The following HLA-DPA1 variants were observed in gnomAD, a reference collection of about 807,000 sequenced individuals.
HLA-DPA1 encodes major histocompatibility complex, class II, DP alpha 1.
HLA-DPA1 carries 20 observed loss-of-function variants against 21.5 expected under a neutral mutation model. The ratio of observed to expected loss-of-function variants is 0.93; its 90% CI spans 0.66 to 1.35. The LOEUF (loss-of-function observed/expected upper bound fraction) is 1.35. Among genes scored for constraint, HLA-DPA1 ranks in the 40% most tolerant of loss-of-function variants. The probability of loss-of-function intolerance (pLI) is 0.00; values close to 1 mark genes in which losing one functional copy is unlikely to be tolerated. For synonymous variants in HLA-DPA1, 123 were observed against 129.6 expected (o/e 0.95, Z 0.35); for missense variants, 279 against 323.0 (o/e 0.86, Z 1.05).
At chr6:33,068,362 G>T in intron 5 of HLA-DPA1, 1 of 339,106 alleles carries the variant, frequency 2.9e-6, no homozygotes. Flanking sequence ...TAAAGTCTCT[G>T]TGTATGTAAA....
intron 1 of HLA-DPA1, among the ~76,000 whole-genome samples, chr6:33,078,949 T>C (rs2021408): frequency 0.15 from 23,051 of 152,090 alleles, 1,841 homozygotes; most frequent in South Asian, 0.22. Context: ...GCTGGGGGGC[T>C]CTGGGCCTGG....
chr6:33,069,198 A>G, exon 4 of HLA-DPA1: 1 of 1,612,954 alleles, frequency 6.2e-7, no homozygotes. Flanking sequence ...CAGCCACGTG[A>G]CGTTGAGCAC....
chr6:33,074,482 A>T (rs994284936), intron 1 of HLA-DPA1, among the ~76,000 whole-genome samples: 6 of 152,318 alleles, frequency 3.9e-5, no homozygotes, highest in Middle Eastern at 6.8e-3. Context: ...ATATTTAAGA[A>T]ATACTTTTCT....
In HLA-DPA1 at chr6:33,069,315, C is replaced by A. The variant is rs1167662126; in HGVS notation, c.347-15G>T. 1 of 1,608,540 alleles carries A rather than the reference C, an allele frequency of 6.2e-7. No homozygotes were observed. The highest frequency in any genetic ancestry group is 1.7e-5 in the Admixed American group (1 of 59,892). On this transcript the variant is annotated splice_polypyrimidine_tract_variant and intron_variant, in intron 3 of 5. Transcript: ENST00000419277. ...CTCAGGGGGATCTGGAAGGAGACAG[C>A]ACCAGGTTAGGCCCCTCTTCTGGGA...
rs374996460 is a variant in HLA-DPA1 at position 33,077,099 on chromosome 6, A to G, written c.-99-3430T>C. The stretch of plus-strand genomic sequence containing the variant: ...CCCACCCCACAACAGGCCCCGGTGT[A>G]TGATGTTCCCCTTCCTGTGTCCATG... On this transcript the variant is annotated intron_variant, in intron 1 of 5. Transcript: ENST00000419277. Among the ~76,000 whole-genome samples the G allele has an allele frequency of 3.8e-3, 445 of 116,592 alleles. 3 individuals are homozygous for G. The highest frequency in any genetic ancestry group is 0.028 in the East Asian group (107 of 3,860). The allele number at this position is 116,592 out of a possible 152,430, so 76.5% of individuals were successfully genotyped here. A position where few individuals can be genotyped will look rare whatever the true frequency, so the allele number is the denominator to read the frequency against.
chr6:33,075,110 C>G (rs1488342258), intron 1 of HLA-DPA1, among the ~76,000 whole-genome samples: 1 of 152,158 alleles, frequency 6.6e-6, no homozygotes, highest in Non-Finnish European at 1.5e-5. Context: ...AAAATAGAAT[C>G]AGATGCTTTG....
intron 3 of HLA-DPA1, 112 bp from the exon 3 acceptor site, chr6:33,069,412 G>T (rs1449120389): frequency 2.6e-6 from 3 of 1,136,144 alleles, no homozygotes; most frequent in Non-Finnish European, 3.8e-6. Context: ...TGGCAGCTCT[G>T]AATCACAGAG....
At chr6:33,078,968 G>A (rs1762699053) in intron 1 of HLA-DPA1, among the ~76,000 whole-genome samples, 1 of 152,084 alleles carries the variant, frequency 6.6e-6, no homozygotes, top group South Asian at 2.1e-4. Context: ...GGAATTTTAG[G>A]GTCTGGGGCC....
chr6:33,068,473 A>G, intron 5 of HLA-DPA1, 165 bp downstream of exon 4: 1 of 570,042 alleles, frequency 1.8e-6, no homozygotes, highest in Admixed American at 3.3e-5. Flanking sequence ...AATCCTCAGA[A>G]TAGCGCCTGA....
chr6:33,078,205 G>A (rs114227078), intron 1 of HLA-DPA1, among the ~76,000 whole-genome samples: 3,231 of 152,250 alleles, frequency 0.021, 44 homozygotes, highest in Middle Eastern at 0.075. Flanking sequence ...AGGCTGGGTT[G>A]AGGTTTGTAG....
intron 1 of HLA-DPA1, among the ~76,000 whole-genome samples, chr6:33,078,176 T>C (rs936303757): frequency 6.6e-6 from 1 of 151,604 alleles, no homozygotes; most frequent in African/African-American, 2.4e-5. Context: ...TGCTGGGCAG[T>C]GAAAGGGAGG....
chr6:33,065,495 G>A (rs1761915831), intron 5 of HLA-DPA1, 148 bp from the exon 5 acceptor site: 1 of 152,374 alleles, frequency 6.6e-6, no homozygotes, highest in Non-Finnish European at 1.5e-5. Flanking sequence ...CACATGCCCT[G>A]GTCCTCCAGG....
rs41544522 is a variant in HLA-DPA1 at position 33,080,679 on chromosome 6, C to A, written c.-100+1G>T. 25 of 1,612,634 alleles carry A rather than the reference C, an allele frequency of 1.6e-5. No homozygotes were observed. The highest frequency in any genetic ancestry group is 2.0e-5 in the Non-Finnish European group (24 of 1,179,446). On this transcript the variant is annotated splice_donor_variant, in intron 1 of 5. Transcript: ENST00000419277. LOFTEE classifies it low-confidence loss of function (5UTR_SPLICE). This position sits in a 1 kb window ranked among gnomAD's most constrained non-coding sequence, Gnocchi z 4.3. Reference sequence around the variant, plus strand: ...TCCGCCCCCTCCCCGCAGAGAATTACCTTTTCCAGGGACGGCAGGAATGCT... The same window carrying A: ...TCCGCCCCCTCCCCGCAGAGAATTAACTTTTCCAGGGACGGCAGGAATGCT...
chr6:33,069,316 A>C lies in HLA-DPA1; in HGVS notation c.347-16T>G. ...TCAGGGGGATCTGGAAGGAGACAGC[A>C]CCAGGTTAGGCCCCTCTTCTGGGAT... On this transcript the variant is annotated splice_polypyrimidine_tract_variant and intron_variant, in intron 3 of 5. Transcript: ENST00000419277. The C allele has an allele frequency of 6.2e-7, 1 of 1,608,458 alleles. No homozygotes were observed. The highest frequency in any genetic ancestry group is 8.5e-7 in the Non-Finnish European group (1 of 1,177,400).
In HLA-DPA1 at chr6:33,080,391, G is replaced by A. The variant is rs754909567; in HGVS notation, c.-100+289C>T. On this transcript the variant is annotated intron_variant, in intron 1 of 5. Transcript: ENST00000419277. The surrounding 1 kb of genome is among the most constrained non-coding windows in gnomAD (Gnocchi z 4.3). ...CCGCCTCCTCCAGCCACCAGCAGAA[G>A]GGACTGCCTTCCCCTCAGTGCTCGC... 1 of 642,014 alleles carries A rather than the reference G, an allele frequency of 1.6e-6. No homozygotes were observed. The highest frequency in any genetic ancestry group is 3.3e-5 in the East Asian group (1 of 30,134). 39.8% of individuals were successfully genotyped at this position (642,014 alleles called of 1,614,324 possible).
At chr6:33,079,471 C>T in intron 1 of HLA-DPA1, 1 of 298,454 alleles carries the variant, frequency 3.4e-6, no homozygotes, top group Non-Finnish European at 6.6e-6. Flanking sequence ...TCAGACTCCT[C>T]ATGAAGGATA....
At chr6:33,068,740 C>A in exon 5 of HLA-DPA1, 1 of 1,612,926 alleles carries the variant, frequency 6.2e-7, no homozygotes, top group Non-Finnish European at 8.5e-7. Flanking sequence ...CTAGGCCCAG[C>A]ACCAGGCCCA....
Position 33,074,983 on chromosome 6 carries a change from G to T in HLA-DPA1, c.-99-1314C>A, listed in dbSNP as rs140630068. Among the ~76,000 whole-genome samples, 544 of 152,270 alleles carry T rather than the reference G, an allele frequency of 3.6e-3. 3 individuals are homozygous for T. Among genetic ancestry groups the T allele is most frequent in the East Asian group, 0.026 (133 of 5,188 alleles). On this transcript the variant is annotated intron_variant, in intron 1 of 5. Coordinates refer to ENST00000419277, the Ensembl canonical transcript of HLA-DPA1. Reference sequence around the variant, plus strand: ...CATTTTAATATTGATTTAAAGAAATGATGCCAATTTGATTTTTTTTGAAAT... The same window carrying T: ...CATTTTAATATTGATTTAAAGAAATTATGCCAATTTGATTTTTTTTGAAAT...
chr6:33,075,979 C>T (rs770227296), intron 1 of HLA-DPA1: 86 of 1,261,806 alleles, frequency 6.8e-5, no homozygotes, highest in Non-Finnish European at 9.4e-5. Flanking sequence ...CAGGAGCTCC[C>T]TTTAGCGAGT....
Sources: allele counts gnomAD v4.1 joint callset (sites outside exome capture counted in the v4.1 genomes callset), GRCh38; gene constraint gnomAD v4.1.1; non-coding constraint Gnocchi (gnomAD v3.1); transcripts MANE v1.5; gene names NCBI Gene and HGNC (gene_info 2026-07-23, HGNC 2026-07-21).